The following SYNPR variants were observed in gnomAD, a reference collection of about 807,000 sequenced individuals.
The protein encoded by SYNPR is synaptoporin.
SYNPR carries 23 observed loss-of-function variants against 32.9 expected under a neutral mutation model. The observed-to-expected ratio is 0.70, with a 90% CI of 0.50 to 0.99. The LOEUF (loss-of-function observed/expected upper bound fraction) is 0.99, where lower values mean the gene tolerates loss of function less well. SYNPR is among the 50% of genes least tolerant of loss of function. The probability of loss-of-function intolerance (pLI) is 0.00; values close to 1 mark genes in which losing one functional copy is unlikely to be tolerated. For missense variants in SYNPR, 318 were observed against 349.3 expected (o/e 0.91, Z 0.71); for synonymous variants, 146 against 135.9 (o/e 1.07, Z -0.52).
intron 2 of SYNPR, among the ~76,000 whole-genome samples, chr3:63,459,422 T>A (rs901913910): frequency 6.6e-6 from 1 of 152,158 alleles, no homozygotes; most frequent in Admixed American, 6.6e-5. Flanking sequence ...TCCTTCCTGT[T>A]CTGTTAGGTA....
At chr3:63,473,025 C>T (rs1357585643) in intron 2 of SYNPR, among the ~76,000 whole-genome samples, 2 of 152,112 alleles carry the variant, frequency 1.3e-5, no homozygotes, top group Non-Finnish European at 2.9e-5. Context: ...ATATTTCTGC[C>T]TGCCTCTTAA....
intron 4 of SYNPR, among the ~76,000 whole-genome samples, chr3:63,557,493 T>C (rs200239233): frequency 1.3e-5 from 2 of 152,158 alleles, no homozygotes; most frequent in East Asian, 3.8e-4. Context: ...TATAAAACAT[T>C]TGGGACACTG....
intron 2 of SYNPR, among the ~76,000 whole-genome samples, chr3:63,345,170 C>G (rs2087421999): frequency 6.6e-6 from 1 of 152,216 alleles, no homozygotes; most frequent in South Asian, 2.1e-4. Flanking sequence ...CATGCTCTCA[C>G]ATAATTTTAA....
At chr3:63,291,870 T>C (rs2086742780) in intron 2 of SYNPR, among the ~76,000 whole-genome samples, 1 of 152,126 alleles carries the variant, frequency 6.6e-6, no homozygotes, top group African/African-American at 2.4e-5. Flanking sequence ...TATAAATACA[T>C]GTTGCTTAAT....
At chr3:63,494,461 A>ACG (rs1701327437) in intron 3 of SYNPR, among the ~76,000 whole-genome samples, 2 of 129,938 alleles carry the variant, frequency 1.5e-5, no homozygotes, top group Admixed American at 7.7e-5. Context: ...ATATATATAC[A>ACG]TATATACACA....
At chr3:63,607,851 G>T (rs1700145657) in intron 4 of SYNPR, among the ~76,000 whole-genome samples, 6 of 148,306 alleles carry the variant, frequency 4.0e-5, no homozygotes, top group African/African-American at 1.2e-4. Flanking sequence ...GTAGATCATG[G>T]GATCGTGATG....
At chr3:63,373,943 A>G (rs1346972632) in intron 2 of SYNPR, among the ~76,000 whole-genome samples, 1 of 152,228 alleles carries the variant, frequency 6.6e-6, no homozygotes, top group Non-Finnish European at 1.5e-5. Context: ...TGATAAAGAG[A>G]GAAATTTCCA....
At chr3:63,246,448 C>G (rs2086291379) in intron 1 of SYNPR, among the ~76,000 whole-genome samples, 1 of 152,048 alleles carries the variant, frequency 6.6e-6, no homozygotes, top group Non-Finnish European at 1.5e-5. Context: ...GTGCAGTGAA[C>G]AGATTCAGGT....
rs528689978 is a variant in SYNPR, at chr3:63,615,530, C to T, written c.*49C>T. On this transcript the variant is annotated 3_prime_UTR_variant, in exon 6 of 6. Transcript: ENST00000478300. The stretch of plus-strand genomic sequence containing the variant: ...GCAGTCGCCTCACCATCTTCCATTT[C>T]AGTGGCAGAAGAATTTTTTAAGGGT... The T allele has an allele frequency of 3.4e-5, 53 of 1,572,046 alleles. 1 individual carries two copies. The South Asian group carries it at 5.7e-4, about 17-fold the overall frequency.
intron 2 of SYNPR, among the ~76,000 whole-genome samples, chr3:63,353,383 T>C (rs1327299216): frequency 6.6e-6 from 1 of 152,224 alleles, no homozygotes; most frequent in Non-Finnish European, 1.5e-5. Flanking sequence ...CTAGTGAAGC[T>C]GCCTAGAATG....
In SYNPR at chr3:63,390,081, AT is replaced by A. The variant is rs144261840; in HGVS notation, c.85-90750del. On this transcript the variant is annotated intron_variant, in intron 2 of 5. Transcript: ENST00000478300. ...CTTCCACCTTTTCACAGGATATTTA[AT>A]ATTATCCTAGCACCATGAAGAGAAA... Among the ~76,000 whole-genome samples, 1,065 of 152,342 alleles carry A rather than the reference AT, an allele frequency of 7.0e-3. 14 individuals carry two copies. Among genetic ancestry groups the A allele is most frequent in the African/African-American group, 0.025 (1,027 of 41,594 alleles).
chr3:63,305,537 T>G (rs1048695455), intron 2 of SYNPR, among the ~76,000 whole-genome samples: 2 of 152,156 alleles, frequency 1.3e-5, no homozygotes, highest in South Asian at 2.1e-4. Context: ...TACAAAAATT[T>G]TATGTTTTCT....
intron 2 of SYNPR, among the ~76,000 whole-genome samples, chr3:63,431,543 T>C (rs1361826220): frequency 6.6e-6 from 1 of 152,046 alleles, no homozygotes; most frequent in Non-Finnish European, 1.5e-5. Context: ...CTAAAAAGGA[T>C]GGAAGTGGTA....
upstream of SYNPR, among the ~76,000 whole-genome samples, chr3:63,227,431 G>T (rs1344789722): frequency 6.6e-6 from 1 of 152,208 alleles, no homozygotes; most frequent in Admixed American, 6.5e-5. Context: ...AAATCAGAGA[G>T]AGAGTATATT....
At chr3:63,414,346 T>C (rs189887895) in intron 2 of SYNPR, among the ~76,000 whole-genome samples, 1 of 152,312 alleles carries the variant, frequency 6.6e-6, no homozygotes, top group African/African-American at 2.4e-5. Context: ...ATGGATTTCT[T>C]ACTTTTTGGA....
chr3:63,407,950 G>A (rs2088383276), intron 2 of SYNPR, among the ~76,000 whole-genome samples: 1 of 151,808 alleles, frequency 6.6e-6, no homozygotes, highest in Admixed American at 6.6e-5. Context: ...AAAGATACTG[G>A]ACATACTAAG....
At chr3:63,524,932 C>T (rs890149197) in intron 3 of SYNPR, among the ~76,000 whole-genome samples, 12 of 150,652 alleles carry the variant, frequency 8.0e-5, no homozygotes, top group African/African-American at 1.7e-4. Flanking sequence ...GTGTCACTGA[C>T]GTAGGAGACA....
intron 4 of SYNPR, among the ~76,000 whole-genome samples, chr3:63,599,484 G>A (rs1056303029): frequency 6.6e-6 from 1 of 152,120 alleles, no homozygotes; most frequent in African/African-American, 2.4e-5. Flanking sequence ...GCAGTAATCA[G>A]AACATTCACA....
intron 4 of SYNPR, among the ~76,000 whole-genome samples, chr3:63,595,789 A>T (rs185825613): frequency 0.036 from 1,716 of 48,256 alleles, 462 homozygotes; most frequent in African/African-American, 0.19. Flanking sequence ...ATATATAGTT[A>T]TATATATATA....
Sources: allele counts gnomAD v4.1 joint callset (sites outside exome capture counted in the v4.1 genomes callset), GRCh38; gene constraint gnomAD v4.1.1; transcripts MANE v1.5; gene names NCBI Gene and HGNC (gene_info 2026-07-23, HGNC 2026-07-21).